Variants in GRID2 observed in about 807,000 individuals in gnomAD.
GRID2 encodes glutamate receptor ionotropic, delta-2.
Under a neutral mutation model 114.8 loss-of-function variants are expected in GRID2, and 33 were observed. The observed-to-expected ratio is 0.29, with a 90% CI of 0.22 to 0.38. The LOEUF (loss-of-function observed/expected upper bound fraction) is 0.38. Ranked by LOEUF, GRID2 falls within the 10% of genes least tolerant of loss-of-function variation. The pLI is 1.00. For synonymous variants in GRID2, 505 were observed against 449.9 expected (o/e 1.12, Z -1.55); for missense variants, 1,184 against 1,257.7 (o/e 0.94, Z 0.89).
At chr4:93,494,600 AT>A (rs1468940787) in intron 12 of GRID2, among the ~76,000 whole-genome samples, 1 of 151,778 alleles carries the variant, frequency 6.6e-6, no homozygotes, top group Admixed American at 6.6e-5. Context: ...CATAAATTTA[AT>A]TTCATATCCC....
At chr4:92,560,832 A>G (rs34612832) in intron 1 of GRID2, among the ~76,000 whole-genome samples, 61,523 of 151,676 alleles carry the variant, frequency 0.41, 12,632 homozygotes, top group African/African-American at 0.48. Context: ...CCAGTCTCCC[A>G]AGTGGCTGGG....
intron 4 of GRID2, among the ~76,000 whole-genome samples, chr4:93,193,405 C>G (rs930823795): frequency 1.3e-5 from 2 of 152,134 alleles, no homozygotes; most frequent in Non-Finnish European, 2.9e-5. Flanking sequence ...TACCCCCATG[C>G]TGCTGTTCTC....
intron 2 of GRID2, among the ~76,000 whole-genome samples, chr4:92,689,839 C>G (rs1044407629): frequency 6.6e-6 from 1 of 152,094 alleles, no homozygotes; most frequent in Non-Finnish European, 1.5e-5. Flanking sequence ...CTTCATGAAC[C>G]AACCTCTGTT....
intron 2 of GRID2, among the ~76,000 whole-genome samples, chr4:93,079,935 G>A (rs772507568): frequency 3.3e-5 from 5 of 151,972 alleles, no homozygotes; most frequent in Non-Finnish European, 5.9e-5. Flanking sequence ...TATTTTTTCT[G>A]TATTTTCACT....
At chr4:93,614,004 T>C (rs1351939217) in intron 13 of GRID2, among the ~76,000 whole-genome samples, 2 of 151,918 alleles carry the variant, frequency 1.3e-5, no homozygotes, top group African/African-American at 2.4e-5. Flanking sequence ...GTGTGGGATA[T>C]AGTCTCGTGG....
At chr4:92,912,374 G>GTA in intron 2 of GRID2, among the ~76,000 whole-genome samples, 1 of 151,910 alleles carries the variant, frequency 6.6e-6, no homozygotes, top group African/African-American at 2.4e-5. Flanking sequence ...TTACATTAGA[G>GTA]ATAGGTAGCA....
intron 2 of GRID2, among the ~76,000 whole-genome samples, chr4:93,061,572 G>T (rs2149293524): frequency 6.6e-6 from 1 of 152,176 alleles, no homozygotes; most frequent in Non-Finnish European, 1.5e-5. Flanking sequence ...AGTGAAGGCT[G>T]GGAACTGCTT....
At chr4:92,835,531 C>T (rs542348657) in intron 2 of GRID2, among the ~76,000 whole-genome samples, 3 of 152,164 alleles carry the variant, frequency 2.0e-5, no homozygotes, top group East Asian at 3.9e-4. Flanking sequence ...TTAGTTTTAC[C>T]TACTGCCTTC....
intron 14 of GRID2, among the ~76,000 whole-genome samples, chr4:93,684,655 T>G (rs976286259): frequency 1.3e-5 from 2 of 152,054 alleles, no homozygotes; most frequent in South Asian, 2.1e-4. Flanking sequence ...GTACAGGGGA[T>G]GCTGGCTAAA....
At chr4:92,510,625 C>A (rs964065080) in intron 1 of GRID2, among the ~76,000 whole-genome samples, 2 of 151,418 alleles carry the variant, frequency 1.3e-5, no homozygotes, top group African/African-American at 4.8e-5. Flanking sequence ...CAATTAGATA[C>A]GAAGAATACA....
intron 13 of GRID2, among the ~76,000 whole-genome samples, chr4:93,623,220 A>T (rs1009173887): frequency 3.3e-5 from 5 of 152,076 alleles, no homozygotes; most frequent in African/African-American, 7.2e-5. Context: ...GGTTTGTTAC[A>T]CAGGTATACA....
chr4:92,918,957 T>A (rs1292838214), intron 2 of GRID2, among the ~76,000 whole-genome samples: 1 of 152,216 alleles, frequency 6.6e-6, no homozygotes, highest in Non-Finnish European at 1.5e-5. Flanking sequence ...TCTGGTAGAA[T>A]TCAGCTGTGA....
At chr4:93,385,762 G>A (rs1258902983) in intron 8 of GRID2, among the ~76,000 whole-genome samples, 1 of 151,996 alleles carries the variant, frequency 6.6e-6, no homozygotes, top group African/African-American at 2.4e-5. Context: ...TAAGCTGTGA[G>A]TTTTGAGTGT....
intron 1 of GRID2, among the ~76,000 whole-genome samples, chr4:92,509,567 A>G (rs779561426): frequency 4.6e-5 from 7 of 151,970 alleles, no homozygotes; most frequent in Non-Finnish European, 8.8e-5. Context: ...TTTCTATGAT[A>G]TAAAACTAAA....
chr4:93,405,469 G>A (rs1766320437), intron 9 of GRID2, among the ~76,000 whole-genome samples: 1 of 152,068 alleles, frequency 6.6e-6, no homozygotes, highest in Admixed American at 6.6e-5. Flanking sequence ...TTGGAAGCTG[G>A]AACCTGAATT....
At chr4:93,368,359 G>T (rs1027185895) in intron 8 of GRID2, among the ~76,000 whole-genome samples, 5 of 151,962 alleles carry the variant, frequency 3.3e-5, no homozygotes, top group Non-Finnish European at 7.4e-5. Context: ...ACATTCTTAA[G>T]TTACATTCTT....
intron 8 of GRID2, among the ~76,000 whole-genome samples, chr4:93,342,435 A>G (rs543301019): frequency 5.8e-4 from 88 of 152,222 alleles, no homozygotes; most frequent in African/African-American, 2.0e-3. Context: ...TCATTTAAAA[A>G]GAGAAAAAAA....
intron 13 of GRID2, among the ~76,000 whole-genome samples, chr4:93,518,674 C>T (rs961350749): frequency 3.3e-5 from 5 of 151,712 alleles, no homozygotes; most frequent in Admixed American, 6.6e-5. Flanking sequence ...TGGGAAATAC[C>T]GAGAAGCAAG....
chr4:93,704,520 T>G (rs980998856), intron 14 of GRID2, among the ~76,000 whole-genome samples: 4 of 152,204 alleles, frequency 2.6e-5, no homozygotes, highest in Non-Finnish European at 5.9e-5. Context: ...ATTTGTCAAT[T>G]TTGGCTTTTG....
Sources: gnomAD v4.1 joint callset for allele counts (sites outside exome capture counted in the v4.1 genomes callset) on GRCh38, gnomAD v4.1.1 for gene constraint, MANE v1.5 for transcripts, NCBI Gene and HGNC (gene_info 2026-07-23, HGNC 2026-07-21) for gene names.